The following NKAIN3 variants were observed in gnomAD, a reference collection of about 807,000 sequenced individuals.
The protein encoded by NKAIN3 is sodium/potassium transporting ATPase interacting 3.
A neutral mutation model predicts 30.2 loss-of-function variants in NKAIN3; 25 were observed. The observed-to-expected ratio is 0.83, with a 90% confidence interval of 0.60 to 1.16. The LOEUF (loss-of-function observed/expected upper bound fraction) is 1.16. Ranked by LOEUF, NKAIN3 falls within the 50% of genes most tolerant of loss-of-function variation. NKAIN3 has a pLI of 0.00. For missense variants in NKAIN3, 225 were observed against 254.1 expected (o/e 0.89, Z 0.78); for synonymous variants, 91 against 89.6 (o/e 1.02, Z -0.09).
chr8:62,904,264 CTATCA>C (rs974342133), intron 4 of NKAIN3, among the ~76,000 whole-genome samples: 3 of 152,100 alleles, frequency 2.0e-5, no homozygotes, highest in African/African-American at 7.2e-5. Flanking sequence ...AAGTCTTATC[CTATCA>C]TATTATTTCT....
At chr8:62,716,851 A>C (rs1244347023) in intron 3 of NKAIN3, among the ~76,000 whole-genome samples, 1 of 152,156 alleles carries the variant, frequency 6.6e-6, no homozygotes, top group Non-Finnish European at 1.5e-5. Context: ...TAATCCCAGC[A>C]CTTATGAGAT....
intron 1 of NKAIN3, among the ~76,000 whole-genome samples, chr8:62,311,904 A>G (rs1240919333): frequency 6.7e-6 from 1 of 150,370 alleles, no homozygotes; most frequent in Non-Finnish European, 1.5e-5. Flanking sequence ...TCATTTTACC[A>G]TGGGATGTTT....
rs144929352 is a variant in NKAIN3 at position 62,359,364 on chromosome 8, G to T, written c.54+110237G>T. Among the ~76,000 whole-genome samples, 269 of 152,290 alleles carry T rather than the reference G, an allele frequency of 1.8e-3. 2 individuals carry two copies. Among genetic ancestry groups the T allele is most frequent in the Middle Eastern group, 0.01 (3 of 294 alleles). On this transcript the variant is annotated intron_variant, in intron 1 of 6. Transcript: ENST00000623646. ...AGATGGAGATCAAAATATTCCTTTT[G>T]TTAACTGATAAGGAGCTATTGGGGC...
At chr8:62,550,974 G>A in intron 1 of NKAIN3, among the ~76,000 whole-genome samples, 1 of 152,120 alleles carries the variant, frequency 6.6e-6, no homozygotes, top group East Asian at 1.9e-4. Context: ...CCACTGCACT[G>A]CAGTTTTTGT....
At position 62,281,165 on chromosome 8, in the gene NKAIN3, G is replaced by A. The variant is rs543689234; in HGVS notation, c.54+32038G>A. ...AGATTTTCTAGTGTATTTGCATACAGGTGTTTATAGTATTCTCTGATGGTT... is the reference window on the plus strand; with the variant it reads ...AGATTTTCTAGTGTATTTGCATACAAGTGTTTATAGTATTCTCTGATGGTT... On this transcript the variant is annotated intron_variant, in intron 1 of 6. Coordinates refer to ENST00000623646, the MANE Select transcript of NKAIN3 (RefSeq NM_001304533.3). Among the ~76,000 whole-genome samples the A allele has an allele frequency of 5.3e-5, 8 of 152,220 alleles. No individual in the cohort carries two copies. The South Asian group carries it at 1.7e-3, about 32-fold the overall frequency.
chr8:62,473,347 A>G (rs1010916077), intron 1 of NKAIN3: 4 of 152,206 alleles, frequency 2.6e-5, no homozygotes, highest in African/African-American at 9.6e-5. Context: ...TTTGGCAGCA[A>G]TAGAAAAATC....
At chr8:62,637,635 A>G (rs1812175703) in intron 3 of NKAIN3, among the ~76,000 whole-genome samples, 1 of 152,144 alleles carries the variant, frequency 6.6e-6, no homozygotes, top group Non-Finnish European at 1.5e-5. Context: ...AGGGGGTACT[A>G]GAATTCCTGG....
chr8:62,825,437 A>G (rs532036061), intron 4 of NKAIN3, among the ~76,000 whole-genome samples: 1 of 152,308 alleles, frequency 6.6e-6, no homozygotes, highest in East Asian at 1.9e-4. Flanking sequence ...TAATCTTTAT[A>G]GTCTGTTTCC....
chr8:62,376,570 G>C (rs1291231271), intron 1 of NKAIN3, among the ~76,000 whole-genome samples: 1 of 152,120 alleles, frequency 6.6e-6, no homozygotes, highest in African/African-American at 2.4e-5. Flanking sequence ...GGACCACTCT[G>C]CATCTTGGCC....
Position 62,454,301 on chromosome 8 carries a change from C to CAAAAAAAAAAAAAAAAAA in NKAIN3, c.55-125233_55-125216dup, listed in dbSNP as rs201511724. On this transcript the variant is annotated intron_variant, in intron 1 of 6. Transcript: ENST00000623646. ...ACCAACACTAACAATAGCTGATGTG[C>CAAAAAAAAAAAAAAAAAA]AAAAAAAAAAAAAAAAAAAAAATCT... is the stretch of plus-strand genomic sequence containing the variant. Among the ~76,000 whole-genome samples, 49 of 56,158 alleles carry CAAAAAAAAAAAAAAAAAA rather than the reference C, an allele frequency of 8.7e-4. 3 individuals are homozygous for CAAAAAAAAAAAAAAAAAA. Among genetic ancestry groups the CAAAAAAAAAAAAAAAAAA allele is most frequent in the South Asian group, 1.9e-3 (2 of 1,066 alleles). 36.8% of individuals were successfully genotyped at this position (56,158 alleles called of 152,430 possible).
chr8:62,729,040 C>CAAAAAAAAAAAA (rs1317282077), intron 3 of NKAIN3, among the ~76,000 whole-genome samples: 18 of 61,192 alleles, frequency 2.9e-4, no homozygotes, highest in Admixed American at 6.5e-4. Context: ...AAAAAAAAAA[C>CAAAAAAAAAAAA]AAAAAAAAAA....
intron 3 of NKAIN3, among the ~76,000 whole-genome samples, chr8:62,689,698 A>G (rs1001814980): frequency 6.6e-6 from 1 of 152,170 alleles, no homozygotes. Flanking sequence ...AGAAAATCCT[A>G]CTTAGCCCAG....
intron 3 of NKAIN3, among the ~76,000 whole-genome samples, chr8:62,735,309 T>C (rs374981660): frequency 2.0e-4 from 30 of 152,142 alleles, no homozygotes; most frequent in Middle Eastern, 3.4e-3. Context: ...AAGTTTTTCT[T>C]TTCTTTGTCT....
chr8:62,894,569 G>A lies in NKAIN3; in HGVS notation c.472-23884G>A, dbSNP rs190506028. The stretch of plus-strand genomic sequence containing the variant: ...CTACAAAATTTAAATTTTCCTCCCA[G>A]CCTTTAAACCAGGGCATAGTTCACC... On this transcript the variant is annotated intron_variant, in intron 4 of 6. Transcript: ENST00000623646. Among the ~76,000 whole-genome samples, 248 of 152,216 alleles carry A rather than the reference G, an allele frequency of 1.6e-3. 1 individual carries two copies. The highest frequency in any genetic ancestry group is 4.4e-3 in the African/African-American group (184 of 41,544).
intron 1 of NKAIN3, among the ~76,000 whole-genome samples, chr8:62,503,998 T>C (rs767295719): frequency 1.3e-5 from 2 of 152,158 alleles, no homozygotes; most frequent in African/African-American, 2.4e-5. Flanking sequence ...TATAAGAGTA[T>C]TATTAGGGAA....
chr8:62,482,152 C>T (rs1228167692), intron 1 of NKAIN3: 1 of 152,196 alleles, frequency 6.6e-6, no homozygotes, highest in South Asian at 2.1e-4. Context: ...TTTCTAGCCT[C>T]CTCTTTTATT....
At chr8:62,508,829 C>A (rs1270781864) in intron 1 of NKAIN3, among the ~76,000 whole-genome samples, 1 of 146,556 alleles carries the variant, frequency 6.8e-6, no homozygotes, top group Non-Finnish European at 1.5e-5. Flanking sequence ...AAACATACAC[C>A]AATTTCAAGT....
intron 1 of NKAIN3, among the ~76,000 whole-genome samples, chr8:62,299,806 G>A (rs534449620): frequency 1.2e-4 from 19 of 152,120 alleles, no homozygotes; most frequent in South Asian, 6.2e-4. Context: ...ATGTGAACAC[G>A]GAAAGGCTTT....
chr8:62,944,935 C>A lies in NKAIN3; in HGVS notation c.533-8967C>A, dbSNP rs914232378. ...TGGTGCTAGTATTTATTTATAGAAA[C>A]CTTGTTCACAGAAAAAATACAAGAA... is the stretch of plus-strand genomic sequence containing the variant. On this transcript the variant is annotated intron_variant, in intron 5 of 6. Transcript: ENST00000623646. Among the ~76,000 whole-genome samples the A allele has an allele frequency of 8.5e-5, 13 of 152,134 alleles. 1 individual carries two copies. Among genetic ancestry groups the A allele is most frequent in the Non-Finnish European group, 1.6e-4 (11 of 68,022 alleles).
Sources: allele counts gnomAD v4.1 joint callset (sites outside exome capture counted in the v4.1 genomes callset), GRCh38; gene constraint gnomAD v4.1.1; transcripts MANE v1.5; gene names NCBI Gene and HGNC (gene_info 2026-07-23, HGNC 2026-07-21).